ADAMTS3: variants seen among roughly 807,000 people sequenced by gnomAD.
ADAMTS3 encodes A disintegrin and metalloproteinase with thrombospondin motifs 3.
ADAMTS3 carries 73 observed loss-of-function variants against 129.0 expected under a neutral mutation model. The ratio of observed to expected loss-of-function variants is 0.57; its 90% CI spans 0.47 to 0.69. ADAMTS3 has a LOEUF of 0.69. ADAMTS3 is among the 30% of genes least tolerant of loss of function. The pLI is 0.00. For synonymous variants in ADAMTS3, 477 were observed against 510.8 expected (o/e 0.93, Z 0.89); for missense variants, 1,457 against 1,514.5 (o/e 0.96, Z 0.63).
chr4:72,504,541 C>T (rs992762256), intron 3 of ADAMTS3, among the ~76,000 whole-genome samples: 1 of 151,918 alleles, frequency 6.6e-6, no homozygotes, highest in South Asian at 2.1e-4. Context: ...TGACCATATG[C>T]CTTAGGGATG....
intron 4 of ADAMTS3, among the ~76,000 whole-genome samples, chr4:72,352,596 G>A (rs969987369): frequency 3.9e-5 from 6 of 151,900 alleles, no homozygotes; most frequent in African/African-American, 1.5e-4. Flanking sequence ...TCATCAAGGC[G>A]GTCACAGCTT....
intron 4 of ADAMTS3, among the ~76,000 whole-genome samples, chr4:72,351,781 G>A (rs1720444604): frequency 6.6e-6 from 1 of 151,838 alleles, no homozygotes; most frequent in Non-Finnish European, 1.5e-5. Flanking sequence ...CAAAGAACAT[G>A]ATTTTTGAAA....
chr4:72,507,989 A>G (rs1167695665), intron 3 of ADAMTS3, among the ~76,000 whole-genome samples: 1 of 152,184 alleles, frequency 6.6e-6, no homozygotes, highest in Non-Finnish European at 1.5e-5. Context: ...TGTCATTTTT[A>G]CCTTAGAATA....
chr4:72,311,272 C>G, intron 13 of ADAMTS3, 91 bp from the exon 14 acceptor site: 2 of 1,132,376 alleles, frequency 1.8e-6, no homozygotes, highest in Non-Finnish European at 2.4e-6. Flanking sequence ...TAAGGTTTCA[C>G]TGTGATTTCC....
intron 3 of ADAMTS3, among the ~76,000 whole-genome samples, chr4:72,420,461 C>T (rs893564743): frequency 2.0e-5 from 3 of 152,334 alleles, no homozygotes; most frequent in African/African-American, 2.4e-5. Flanking sequence ...AGAGCATACA[C>T]GGACTACCCA....
intron 21 of ADAMTS3, 147 bp downstream of exon 21, chr4:72,288,604 C>A: frequency 4.8e-6 from 3 of 622,054 alleles, no homozygotes; most frequent in Non-Finnish European, 8.8e-6. Context: ...TCTTAAAGAA[C>A]TGAACTGGAC....
chr4:72,311,665 T>C (rs1719239442), intron 13 of ADAMTS3, among the ~76,000 whole-genome samples: 1 of 152,166 alleles, frequency 6.6e-6, no homozygotes, highest in Non-Finnish European at 1.5e-5. Context: ...ATTCTTAACG[T>C]GTATTCCTCT....
At chr4:72,373,202 C>CT (rs1198579814) in intron 4 of ADAMTS3, among the ~76,000 whole-genome samples, 2 of 152,016 alleles carry the variant, frequency 1.3e-5, no homozygotes, top group African/African-American at 2.4e-5. Context: ...CAAAAGCTAC[C>CT]ATAAAGCTAA....
At chr4:72,408,940 T>C (rs2109918616) in intron 4 of ADAMTS3, among the ~76,000 whole-genome samples, 1 of 151,918 alleles carries the variant, frequency 6.6e-6, no homozygotes, top group South Asian at 2.1e-4. Flanking sequence ...AGGGGAGGGA[T>C]AACATTGGGA....
chr4:72,318,834 A>G, intron 9 of ADAMTS3, 130 bp from the exon 10 acceptor site: 1 of 931,426 alleles, frequency 1.1e-6, no homozygotes, highest in Non-Finnish European at 1.6e-6. Flanking sequence ...ATTTGCAAAA[A>G]CATGTATTTA....
rs147238177 is a variant in ADAMTS3 at position 72,356,710 on chromosome 4, C to A, written c.662-17017G>T. Among the ~76,000 whole-genome samples, 1,016 of 151,722 alleles carry A rather than the reference C, an allele frequency of 6.7e-3. 10 individuals are homozygous for A. Among genetic ancestry groups the A allele is most frequent in the African/African-American group, 0.022 (918 of 41,470 alleles). On this transcript the variant is annotated intron_variant, in intron 4 of 21. Transcript: ENST00000286657. ...ATTAAGCAAGTCATTGAATACAAAA[C>A]CAATACACAAAATTACTTGCATTTT... is the stretch of plus-strand genomic sequence containing the variant.
intron 3 of ADAMTS3, among the ~76,000 whole-genome samples, chr4:72,491,333 C>T (rs1335801581): frequency 6.6e-6 from 1 of 151,512 alleles, no homozygotes; most frequent in African/African-American, 2.4e-5. Context: ...ACTTCTGATA[C>T]TATGTTGAGA....
rs72853033 is a variant in ADAMTS3 at position 72,481,678 on chromosome 4, T to C, written c.505-66707A>G. Reference sequence around the variant, plus strand: ...GACATGAACCATAAAAACTGATTAATTGGACTCCATCAAAATTAAAAATTT... The same window carrying C: ...GACATGAACCATAAAAACTGATTAACTGGACTCCATCAAAATTAAAAATTT... On this transcript the variant is annotated intron_variant, in intron 3 of 21. Coordinates refer to ENST00000286657, the MANE Select transcript of ADAMTS3 (RefSeq NM_014243.3). Among the ~76,000 whole-genome samples the C allele has an allele frequency of 6.1e-3, 926 of 152,132 alleles. 17 individuals carry two copies. Among genetic ancestry groups the C allele is most frequent in the African/African-American group, 0.021 (881 of 41,528 alleles).
intron 3 of ADAMTS3, among the ~76,000 whole-genome samples, chr4:72,461,655 C>A (rs921948973): frequency 6.6e-6 from 1 of 151,854 alleles, no homozygotes; most frequent in East Asian, 1.9e-4. Flanking sequence ...ATACTCTTAA[C>A]ACCTTTATTA....
intron 3 of ADAMTS3, among the ~76,000 whole-genome samples, chr4:72,500,726 T>TC (rs1178952037): frequency 6.6e-6 from 1 of 152,158 alleles, no homozygotes; most frequent in Non-Finnish European, 1.5e-5. Flanking sequence ...CAGGTTTTCT[T>TC]CAAGAATTCT....
intron 3 of ADAMTS3, among the ~76,000 whole-genome samples, chr4:72,471,228 T>C (rs984090143): frequency 1.3e-5 from 2 of 152,184 alleles, no homozygotes; most frequent in Admixed American, 6.6e-5. Flanking sequence ...GAGTACTTGT[T>C]ATCTGCCACT....
In ADAMTS3 at chr4:72,548,753, G is replaced by T. The variant is rs188256169; in HGVS notation, c.229C>A (p.Pro77Thr). ...KRSARDVSSN[P>T]EQLFFNITAF... is the part of the protein sequence containing the mutation. ...GTGATGTTAAAGAACAACTGCTCAG[G>T]GTTGGAAGACACGTCCCTCGCTGAC... The change falls in exon 3 of 22, where the codon CCT becomes ACT. Residue 77 changes from proline to threonine, a missense_variant. Transcript: ENST00000286657. 13 of 1,613,960 alleles carry T rather than the reference G, an allele frequency of 8.1e-6. No homozygotes were observed. In the African/African-American group the frequency reaches 1.6e-4, roughly 20 times the overall value.
chr4:72,325,614 T>C (rs1161224679), intron 5 of ADAMTS3, among the ~76,000 whole-genome samples: 1 of 152,168 alleles, frequency 6.6e-6, no homozygotes, highest in Non-Finnish European at 1.5e-5. Flanking sequence ...AAAGCAATGT[T>C]AGTAAATAAA....
intron 2 of ADAMTS3, among the ~76,000 whole-genome samples, chr4:72,558,570 A>G (rs1466937507): frequency 2.0e-5 from 3 of 151,716 alleles, no homozygotes; most frequent in African/African-American, 4.9e-5. Context: ...GGCATGTAAC[A>G]TAACATACTC....
Sources: allele counts gnomAD v4.1 joint callset (sites outside exome capture counted in the v4.1 genomes callset), GRCh38; gene constraint gnomAD v4.1.1; transcripts MANE v1.5; gene names NCBI Gene and HGNC (gene_info 2026-07-23, HGNC 2026-07-21).